GTPBP6: variants seen among roughly 807,000 people sequenced by gnomAD.
GTPBP6 encodes GTP binding protein 6.
GTPBP6 carries 33 observed loss-of-function variants against 28.9 expected under a neutral mutation model. The ratio of observed to expected loss-of-function variants is 1.14; its 90% CI spans 0.87 to 1.53. GTPBP6 has a LOEUF of 1.53. GTPBP6 is among the 40% of genes most tolerant of loss of function. GTPBP6 has a pLI of 0.00. For missense variants in GTPBP6, 507 were observed against 408.3 expected (o/e 1.24, Z -2.08); for synonymous variants, 231 against 192.7 (o/e 1.20, Z -1.65).
chrX:305,258 A>G (rs2070132021), intron 9 of GTPBP6, 61 bp from the exon 10 acceptor site: 24 of 1,244,658 alleles, frequency 1.9e-5, no homozygotes, highest in East Asian at 1.6e-4. Context: ...GCTTAGTTTC[A>G]TGATAAATAA....
At chrX:306,535 C>T (rs1365869326) in intron 9 of GTPBP6, among the ~76,000 whole-genome samples, 4 of 148,254 alleles carry the variant, frequency 2.7e-5, no homozygotes, top group Non-Finnish European at 5.9e-5. Flanking sequence ...ATTTTGTCAG[C>T]ACAGATTAGG....
intron 6 of GTPBP6, chrX:312,043 C>CGGTGTTGACAGAAGGAT: frequency 2.2e-6 from 1 of 454,648 alleles, no homozygotes; most frequent in Non-Finnish European, 4.3e-6. Flanking sequence ...GCAGTGGTGC[C>CGGTGTTGACAGAAGGAT]GGTGTTGACA....
intron 6 of GTPBP6, chrX:312,321 G>C (rs1291794266): frequency 4.3e-6 from 2 of 466,506 alleles, no homozygotes; most frequent in South Asian, 1.6e-5. Context: ...TGGTGGTATA[G>C]ATGGGGTAGT....
In GTPBP6 at chrX:312,996, G is replaced by A. The variant is rs756029208; in HGVS notation, c.758-72C>T. On this transcript the variant is annotated intron_variant, in intron 5 of 9. Coordinates refer to ENST00000326153, the Ensembl canonical transcript of GTPBP6. Reference sequence around the variant, plus strand: ...GCACAAGTGCGGGCGGTGCCGCGGAGGGTCTGCGGGGGCCCGGGGCCTGCT... The same window carrying A: ...GCACAAGTGCGGGCGGTGCCGCGGAAGGTCTGCGGGGGCCCGGGGCCTGCT... 5.8e-6 allele frequency: 8 copies of A among 1,368,366 alleles called. No individual in the cohort carries two copies. In the African/African-American group the frequency reaches 8.7e-5, roughly 15 times the overall value. The allele number at this position is 1,368,366 out of a possible 1,614,324, so 84.8% of individuals were successfully genotyped here.
chrX:314,264 C>T (rs369070412), intron 4 of GTPBP6, 47 bp from the exon 5 acceptor site: 289 of 1,499,280 alleles, frequency 1.9e-4, no homozygotes, highest in Middle Eastern at 1.6e-3. Flanking sequence ...CGCTGTCTCC[C>T]TCCCGGCAGA....
chrX:306,947 G>T lies in GTPBP6; in HGVS notation c.1427+413C>A, dbSNP rs1219895561. Reference sequence around the variant, plus strand: ...GTATGCAGTCAGAAATGTACATTTTGACTGTCAGCACAGATTAGGCACCTG... The same window carrying T: ...GTATGCAGTCAGAAATGTACATTTTTACTGTCAGCACAGATTAGGCACCTG... On this transcript the variant is annotated intron_variant, in intron 9 of 9. Coordinates refer to ENST00000326153, the Ensembl canonical transcript of GTPBP6. 4.9e-4 allele frequency among the ~76,000 whole-genome samples: 70 copies of T among 142,086 alleles called. 2 individuals are homozygous for T. The highest frequency in any genetic ancestry group is 9.5e-4 in the South Asian group (4 of 4,206). The allele number at this position is 142,086 out of a possible 152,430, so 93.2% of individuals were successfully genotyped here. A position where few individuals can be genotyped will look rare whatever the true frequency, so the allele number is the denominator to read the frequency against.
chrX:309,792 A>G (rs2070247318), intron 7 of GTPBP6, among the ~76,000 whole-genome samples: 1 of 138,604 alleles, frequency 7.2e-6, no homozygotes, highest in African/African-American at 2.9e-5. Context: ...AGACCTGTCC[A>G]TGTATTGATC....
rs182069943 is a variant in GTPBP6 at position 311,511 on chromosome X, C to T, written c.1033G>A (p.Val345Ile). 766 of 1,612,244 alleles carry T rather than the reference C, an allele frequency of 4.8e-4. 3 individuals carry two copies. Among genetic ancestry groups the T allele is most frequent in the Non-Finnish European group, 6.0e-4 (712 of 1,179,498 alleles). ...AAGCCGATGGTGTCCACGTACAGGA[C>T]GGTCATGCGTGAGGGCAGCGTGCCC... is the stretch of plus-strand genomic sequence containing the variant. Residue 345 changes from valine (V) to isoleucine (I), a missense_variant, in exon 7 of 10, where the codon GTC (valine) becomes ATC (isoleucine). Physicochemically the swap from Val to Ile is conservative, Grantham distance 29. Transcript: ENST00000326153.
intron 1 of GTPBP6, among the ~76,000 whole-genome samples, chrX:318,166 G>C (rs2070475122): frequency 7.0e-6 from 1 of 143,554 alleles, no homozygotes; most frequent in African/African-American, 2.6e-5. Context: ...CTACCTATGA[G>C]CCTCCCCAGA....
chrX:317,114 C>T (rs1389083525), intron 1 of GTPBP6, 63 bp from the exon 2 acceptor site: 8 of 390,654 alleles, frequency 2.0e-5, no homozygotes, highest in Non-Finnish European at 3.6e-5. Context: ...CCACACCTGC[C>T]CGGGGAGGCC....
At chrX:305,333 T>G (rs1206757893) in intron 9 of GTPBP6, 136 bp from the exon 10 acceptor site, 25 of 739,168 alleles carry the variant, frequency 3.4e-5, no homozygotes, top group Non-Finnish European at 3.6e-5. Flanking sequence ...TGTTTTTTTT[T>G]TTTTTTGAGA....
chrX:309,964 A>C (rs1275873169), intron 7 of GTPBP6, among the ~76,000 whole-genome samples: 2 of 141,552 alleles, frequency 1.4e-5, no homozygotes, highest in African/African-American at 2.9e-5. Flanking sequence ...ACAGAGAAGA[A>C]GGCCACAGAC....
chrX:317,474 G>A (rs1331731526), intron 1 of GTPBP6, among the ~76,000 whole-genome samples: 2 of 147,826 alleles, frequency 1.4e-5, no homozygotes, highest in Non-Finnish European at 3.0e-5. Flanking sequence ...ACCACTCATC[G>A]ACTACAGGAG....
chrX:307,088 G>A (rs1602952241), intron 9 of GTPBP6, among the ~76,000 whole-genome samples: 1 of 151,724 alleles, frequency 6.6e-6, no homozygotes, highest in African/African-American at 2.4e-5. Context: ...GTTGTATGCA[G>A]TCAGAAATGT....
chrX:311,788 G>A (rs775644617), intron 6 of GTPBP6, 161 bp from the exon 7 acceptor site: 19 of 644,770 alleles, frequency 2.9e-5, no homozygotes, highest in African/African-American at 5.4e-5. Flanking sequence ...CAGACCCGAC[G>A]CGTGGGACAA....
At chrX:315,437 C>G (rs2070411711) in intron 2 of GTPBP6, 138 bp from the exon 3 acceptor site, 1 of 398,180 alleles carries the variant, frequency 2.5e-6, no homozygotes, top group African/African-American at 2.1e-5. Context: ...GCACGAGACC[C>G]GGGATCCAGG....
At chrX:308,083 C>T (rs1350381922) in intron 7 of GTPBP6, among the ~76,000 whole-genome samples, 1 of 152,104 alleles carries the variant, frequency 6.6e-6, no homozygotes, top group Non-Finnish European at 1.5e-5. Context: ...GCTGCACTTA[C>T]CCAACCTTCC....
rs776063449 is a variant in GTPBP6 at position 311,514 on chromosome X, T to C, written c.1030A>G (p.Thr344Ala). Residue 344 changes from threonine to alanine, a missense_variant, in exon 7 of 10, where the codon ACC becomes GCC. Thr to Ala is a moderately conservative substitution (Grantham distance 58, BLOSUM62 0). Transcript: ENST00000326153. ...CCGATGGTGTCCACGTACAGGACGGTCATGCGTGAGGGCAGCGTGCCCGCG... is the reference window on the plus strand; with the variant it reads ...CCGATGGTGTCCACGTACAGGACGGCCATGCGTGAGGGCAGCGTGCCCGCG... 3.7e-6 allele frequency: 6 copies of C among 1,612,174 alleles called. No individual in the cohort carries two copies. The South Asian group carries it at 5.5e-5, about 15-fold the overall frequency.
exon 10 of GTPBP6, chrX:304,883 C>T (rs2070120219): frequency 1.4e-6 from 2 of 1,439,224 alleles, no homozygotes; most frequent in Non-Finnish European, 9.1e-7. Context: ...GGGCGGCCCG[C>T]TTTGGGGCAG....
Sources: allele counts gnomAD v4.1 joint callset (sites outside exome capture counted in the v4.1 genomes callset), GRCh38; gene constraint gnomAD v4.1.1; transcripts MANE v1.5; gene names NCBI Gene and HGNC (gene_info 2026-07-23, HGNC 2026-07-21).